PCDH15: variants seen among roughly 807,000 people sequenced by gnomAD.
PCDH15 encodes the protein protocadherin related 15, also known as protocadherin-15.
PCDH15 carries 129 observed loss-of-function variants against 178.5 expected under a neutral mutation model. The observed-to-expected ratio is 0.72, with a 90% CI of 0.63 to 0.84. The LOEUF is 0.84. PCDH15 is among the 40% of genes least tolerant of loss of function. The pLI is 0.00. For synonymous variants in PCDH15, 800 were observed against 732.0 expected (o/e 1.09, Z -1.50); for missense variants, 2,230 against 2,099.9 (o/e 1.06, Z -1.21).
At chr10:54,704,480 A>T (rs1031094803) in intron 1 of PCDH15, among the ~76,000 whole-genome samples, 2 of 152,198 alleles carry the variant, frequency 1.3e-5, no homozygotes, top group South Asian at 2.1e-4. Flanking sequence ...ACAAACAAAA[A>T]CCACACAAAT....
chr10:54,444,542 A>AT (rs1200683204), intron 3 of PCDH15, among the ~76,000 whole-genome samples: 4 of 151,604 alleles, frequency 2.6e-5, no homozygotes, highest in East Asian at 1.9e-4. Context: ...CACTGTACAC[A>AT]TTTTTTTCTG....
At chr10:54,807,958 C>G (rs1342748141) in intron 3 of PCDH15, among the ~76,000 whole-genome samples, 1 of 151,460 alleles carries the variant, frequency 6.6e-6, no homozygotes, top group Non-Finnish European at 1.5e-5. Context: ...TCAGTTATTT[C>G]TAATTACAAC....
rs5785030 is a variant in PCDH15, at chr10:53,962,084, G to GT, written c.2869-193dup. Reference sequence around the variant, plus strand: ...TGATAACTCAATCTGAATCAATGAAGTATCTCTACTACAGGTTATTTTAAA... The same window carrying GT: ...TGATAACTCAATCTGAATCAATGAAGTTATCTCTACTACAGGTTATTTTAAA... On this transcript the variant is annotated intron_variant, in intron 21 of 37. Coordinates refer to ENST00000644397, the MANE Select transcript of PCDH15 (RefSeq NM_001384140.1). Among the ~76,000 whole-genome samples, 104,714 of 151,890 alleles carry GT rather than the reference G, an allele frequency of 0.69. 36,640 individuals carry two copies. Among genetic ancestry groups the GT allele is most frequent in the East Asian group, 0.87 (4,474 of 5,148 alleles).
chr10:54,038,501 C>T (rs1415587738), intron 18 of PCDH15, among the ~76,000 whole-genome samples: 1 of 151,898 alleles, frequency 6.6e-6, no homozygotes, highest in Admixed American at 6.6e-5. Flanking sequence ...AAGGAAGGAG[C>T]TGCAGAATTG....
intron 2 of PCDH15, among the ~76,000 whole-genome samples, chr10:54,650,070 T>A (rs2094220049): frequency 6.6e-6 from 1 of 152,168 alleles, no homozygotes; most frequent in African/African-American, 2.4e-5. Context: ...AAAACAAGCA[T>A]TACATGACAT....
chr10:55,174,254 T>C (rs1342440632), intron 1 of PCDH15, among the ~76,000 whole-genome samples: 5 of 152,144 alleles, frequency 3.3e-5, no homozygotes, highest in African/African-American at 9.7e-5. Context: ...GGCAAATTCC[T>C]AGGCAGAAAG....
chr10:55,512,176 C>G (rs1414271765), intron 2 of PCDH15, among the ~76,000 whole-genome samples: 1 of 152,026 alleles, frequency 6.6e-6, no homozygotes, highest in African/African-American at 2.4e-5. Context: ...TATGAGAATA[C>G]TGACTCGTGG....
intron 1 of PCDH15, among the ~76,000 whole-genome samples, chr10:54,756,759 C>T (rs1193373371): frequency 6.6e-6 from 1 of 151,932 alleles, no homozygotes; most frequent in Non-Finnish European, 1.5e-5. Flanking sequence ...TGGATACTTC[C>T]TTTATAAATT....
At chr10:55,358,246 T>C (rs1301560980) in intron 2 of PCDH15, among the ~76,000 whole-genome samples, 2 of 152,148 alleles carry the variant, frequency 1.3e-5, no homozygotes, top group Non-Finnish European at 2.9e-5. Flanking sequence ...TTTTGTATGA[T>C]TTGAATAATT....
chr10:53,968,621 C>T lies in PCDH15; in HGVS notation c.2869-6729G>A, dbSNP rs1463174300. The stretch of plus-strand genomic sequence containing the variant: ...CATCCCAGTAGAGGCCGACTGACAC[C>T]TCATATAGCCGGACGCCACTCTGAG... On this transcript the variant is annotated intron_variant, in intron 21 of 37. Transcript: ENST00000644397. Among the ~76,000 whole-genome samples, 5 of 152,268 alleles carry T rather than the reference C, an allele frequency of 3.3e-5. No individual in the cohort carries two copies. The South Asian group carries it at 6.2e-4, about 19-fold the overall frequency.
intron 3 of PCDH15, chr10:54,452,558 G>A (rs946583774): frequency 6.6e-6 from 1 of 151,934 alleles, no homozygotes; most frequent in Non-Finnish European, 1.5e-5. Context: ...AAGAACACAA[G>A]ATAAAGAGAA....
At chr10:54,420,051 C>T (rs1318838307) in intron 3 of PCDH15, among the ~76,000 whole-genome samples, 1 of 152,024 alleles carries the variant, frequency 6.6e-6, no homozygotes, top group African/African-American at 2.4e-5. Context: ...GAAAAATCAA[C>T]TCAGTTAATA....
chr10:54,475,557 C>T (rs1228704494), intron 3 of PCDH15, among the ~76,000 whole-genome samples: 1 of 152,030 alleles, frequency 6.6e-6, no homozygotes, highest in South Asian at 2.1e-4. Context: ...CCTATACAGA[C>T]CTTTAAACAG....
At chr10:55,163,417 T>C (rs562745637) in intron 2 of PCDH15, among the ~76,000 whole-genome samples, 5 of 152,284 alleles carry the variant, frequency 3.3e-5, no homozygotes, top group African/African-American at 9.6e-5. Flanking sequence ...CTCAGATTTA[T>C]ACATCATGAA....
chr10:54,254,141 G>C (rs1253440153), intron 8 of PCDH15, among the ~76,000 whole-genome samples: 2 of 151,934 alleles, frequency 1.3e-5, no homozygotes, highest in Non-Finnish European at 2.9e-5. Context: ...TCTGTTTCTT[G>C]GTATTTAAAA....
chr10:55,486,967 G>A (rs964712448), intron 2 of PCDH15, among the ~76,000 whole-genome samples: 2 of 151,508 alleles, frequency 1.3e-5, no homozygotes, highest in African/African-American at 4.8e-5. Context: ...CAAAATGCCT[G>A]TACTTCATGC....
chr10:55,276,234 C>T (rs777667827), intron 1 of PCDH15, among the ~76,000 whole-genome samples: 5 of 150,488 alleles, frequency 3.3e-5, no homozygotes, highest in Non-Finnish European at 7.4e-5. Flanking sequence ...TCTTAAGATT[C>T]TCTAATATAA....
In PCDH15 at chr10:54,551,694, CTG is replaced by C. The variant is rs1300864700; in HGVS notation, c.92-23819_92-23818del. ...AATTAAATGTATCATATTTTCCATA[CTG>C]TTTTTGTTTCAATCAGATTTTTTAA... On this transcript the variant is annotated intron_variant, in intron 2 of 37. Transcript: ENST00000644397. Among the ~76,000 whole-genome samples the C allele has an allele frequency of 2.6e-5, 4 of 152,086 alleles. No homozygotes were observed. The East Asian group carries it at 7.7e-4, about 29-fold the overall frequency.
At chr10:54,275,202 T>C (rs12360166) in intron 8 of PCDH15, among the ~76,000 whole-genome samples, 68,155 of 151,184 alleles carry the variant, frequency 0.45, 17,122 homozygotes, top group Middle Eastern at 0.59. Flanking sequence ...GAAAAAAATA[T>C]ATATATACGT....
Sources: allele counts gnomAD v4.1 joint callset (sites outside exome capture counted in the v4.1 genomes callset), GRCh38; gene constraint gnomAD v4.1.1; transcripts MANE v1.5; gene names NCBI Gene and HGNC (gene_info 2026-07-23, HGNC 2026-07-21).